Variants in CENPE observed in about 807,000 individuals in gnomAD.
The protein encoded by CENPE is centromere-associated protein E.
A neutral mutation model predicts 336.1 loss-of-function variants in CENPE; 145 were observed. The ratio of observed to expected loss-of-function variants is 0.43; its 90% CI spans 0.38 to 0.50. The LOEUF (loss-of-function observed/expected upper bound fraction) is 0.50, where lower values mean the gene tolerates loss of function less well. Ranked by LOEUF, CENPE falls within the 20% of genes least tolerant of loss-of-function variation. CENPE has a pLI of 0.00. For missense variants in CENPE, 2,719 were observed against 3,023.3 expected (o/e 0.90, Z 2.36); for synonymous variants, 1,013 against 984.8 (o/e 1.03, Z -0.54).
Position 103,175,998 on chromosome 4 carries a change from CACTT to C in CENPE, c.1437_1440del (p.Ser480ArgfsTer2), listed in dbSNP as rs1446950801. 1.2e-6 allele frequency: 2 copies of C among 1,606,730 alleles called. No individual in the cohort carries two copies. Among genetic ancestry groups the C allele is most frequent in the African/African-American group, 1.3e-5 (1 of 74,698 alleles). On this transcript the variant is annotated frameshift_variant, in exon 15 of 49. Coordinates refer to ENST00000265148, the MANE Select transcript of CENPE (RefSeq NM_001813.3). LOFTEE classifies it high-confidence loss of function. ...TTTGTTGCTGGATTCCATTCTATCT[CACTT>C]AATGTATCAAGAGTGTTACTGAAAA...
At chr4:103,116,420 T>C in intron 45 of CENPE, 157 bp downstream of exon 45, 1 of 454,924 alleles carries the variant, frequency 2.2e-6, no homozygotes, top group Non-Finnish European at 3.9e-6. Context: ...ATGAGACCAG[T>C]ATATTTAAAA....
chr4:103,172,629 A>G (rs1156347721), intron 16 of CENPE, among the ~76,000 whole-genome samples: 4 of 151,914 alleles, frequency 2.6e-5, no homozygotes, highest in South Asian at 2.1e-4. Context: ...AAAATAAAAC[A>G]TAATAGGAAA....
rs202048854 is a variant in CENPE, at chr4:103,136,230, G to A, written c.6433C>T (p.Pro2145Ser). ...SMRVKANLSL[P>S]YLQTKHIEKL... is the part of the protein sequence containing the mutation. ...TCAATGTGTTTGGTTTGTAAATAGG[G>A]AAGTGAGAGGTTTGCTTTAACTCTC... Residue 2145 changes from proline to serine, a missense_variant, in exon 40 of 49, where the codon CCC becomes TCC. This residue lies in a region of CENPE where 2,437 missense variants were observed against 2,513.3 expected (regional missense o/e 0.97). Transcript: ENST00000265148. The A allele has an allele frequency of 2.2e-5, 35 of 1,613,766 alleles. No homozygotes were observed. The highest frequency in any genetic ancestry group is 2.8e-5 in the Non-Finnish European group (33 of 1,179,764).
intron 39 of CENPE, among the ~76,000 whole-genome samples, chr4:103,137,198 G>A (rs1024587494): frequency 1.3e-5 from 2 of 148,166 alleles, no homozygotes; most frequent in African/African-American, 2.5e-5. Context: ...TTCTGAGGAA[G>A]GCAGTTTCCT....
intron 16 of CENPE, among the ~76,000 whole-genome samples, chr4:103,170,000 A>G (rs892589632): frequency 6.6e-6 from 1 of 152,252 alleles, no homozygotes; most frequent in East Asian, 1.9e-4. Context: ...GGATGAAGCT[A>G]GAAACCATCA....
At chr4:103,157,212 T>C (rs1432682947) in intron 24 of CENPE, among the ~76,000 whole-genome samples, 1 of 152,010 alleles carries the variant, frequency 6.6e-6, no homozygotes, top group Non-Finnish European at 1.5e-5. Context: ...AGAATTACCA[T>C]ATAACCTAGC....
At chr4:103,137,875 C>G (rs531827446) in intron 39 of CENPE, among the ~76,000 whole-genome samples, 1 of 152,092 alleles carries the variant, frequency 6.6e-6, no homozygotes, top group African/African-American at 2.4e-5. Context: ...GTTTCTCTTG[C>G]GGTAAAAATT....
chr4:103,173,836 A>G (rs74634132), intron 16 of CENPE, among the ~76,000 whole-genome samples: 3,258 of 152,014 alleles, frequency 0.021, 107 homozygotes, highest in African/African-American at 0.073. Flanking sequence ...CCTCATCCCA[A>G]TTAGAATGGC....
intron 11 of CENPE, among the ~76,000 whole-genome samples, chr4:103,182,122 G>A (rs960066779): frequency 1.4e-5 from 2 of 143,244 alleles, no homozygotes; most frequent in African/African-American, 2.6e-5. Context: ...ACATAGTTTC[G>A]CTCTTGTTGC....
Position 103,139,824 on chromosome 4 carries a change from G to T in CENPE, c.6169C>A (p.Gln2057Lys). The T allele has an allele frequency of 6.2e-6, 10 of 1,612,040 alleles. No individual in the cohort carries two copies. Among genetic ancestry groups the T allele is most frequent in the Non-Finnish European group, 8.5e-6 (10 of 1,179,286 alleles). ...ATTTCCCTTAAGGTTGCTATGAATTGGTCCCTTTCCATTTTGAGAGATTCT... is the reference window on the plus strand; with the variant it reads ...ATTTCCCTTAAGGTTGCTATGAATTTGTCCCTTTCCATTTTGAGAGATTCT... ...IKESLKMERD[Q>K]FIATLREMIA... is the part of the protein sequence containing the mutation. Residue 2057 changes from glutamine to lysine, a missense_variant, in exon 38 of 49, where the codon CAA becomes AAA. By Grantham distance (53) the Gln-to-Lys change is moderately conservative. Around this residue, in one of 5 missense-constraint regions of CENPE, gnomAD observed 2,437 missense variants for 2,513.3 expected, o/e 0.97. Transcript: ENST00000265148.
chr4:103,150,546 C>T (rs1246361462), intron 26 of CENPE, among the ~76,000 whole-genome samples: 1 of 151,712 alleles, frequency 6.6e-6, no homozygotes, highest in Non-Finnish European at 1.5e-5. Flanking sequence ...GATCATGCCA[C>T]TGCACTCCAG....
chr4:103,143,111 T>A (rs1752708762), intron 34 of CENPE, 137 bp downstream of exon 34: 3 of 523,374 alleles, frequency 5.7e-6, no homozygotes, highest in Non-Finnish European at 9.9e-6. Flanking sequence ...TATAAAAAGA[T>A]CAATGATAGT....
intron 25 of CENPE, among the ~76,000 whole-genome samples, chr4:103,151,902 G>T (rs1277499074): frequency 6.6e-6 from 1 of 152,166 alleles, no homozygotes; most frequent in Non-Finnish European, 1.5e-5. Flanking sequence ...ACCATTGTTT[G>T]TTTGTGTGCT....
chr4:103,142,740 C>T (rs759725764), intron 34 of CENPE, among the ~76,000 whole-genome samples: 4 of 152,020 alleles, frequency 2.6e-5, no homozygotes, highest in Non-Finnish European at 5.9e-5. Flanking sequence ...CTGGGCCTGG[C>T]GGCTCATGCC....
At chr4:103,117,816 A>G (rs534163135) in intron 44 of CENPE, among the ~76,000 whole-genome samples, 1 of 151,902 alleles carries the variant, frequency 6.6e-6, no homozygotes, top group East Asian at 1.9e-4. Context: ...TTTAGTAAAG[A>G]CAGTGTTTGC....
At chr4:103,129,056 A>C (rs941081198) in intron 42 of CENPE, among the ~76,000 whole-genome samples, 2 of 152,234 alleles carry the variant, frequency 1.3e-5, no homozygotes, top group African/African-American at 4.8e-5. Flanking sequence ...GGACATTAAA[A>C]AATATTAGGA....
chr4:103,124,909 T>C (rs1442525865), intron 42 of CENPE, among the ~76,000 whole-genome samples: 1 of 152,232 alleles, frequency 6.6e-6, no homozygotes, highest in Non-Finnish European at 1.5e-5. Flanking sequence ...CCTACTCTTA[T>C]GTGCTGGAAG....
intron 1 of CENPE, 78 bp downstream of exon 1, chr4:103,198,186 C>T (rs1433454754): frequency 1.0e-5 from 14 of 1,399,892 alleles, no homozygotes; most frequent in East Asian, 2.5e-5. Context: ...CTCCTGGAAA[C>T]ATCGTAGGCC....
chr4:103,113,575 TTTA>T lies in CENPE; in HGVS notation c.7540+877_7540+879del, dbSNP rs1232535011. 3.5e-5 allele frequency among the ~76,000 whole-genome samples: 5 copies of T among 142,576 alleles called. No individual in the cohort carries two copies. The South Asian group carries it at 1.1e-3, about 30-fold the overall frequency. 93.5% of individuals were successfully genotyped at this position (142,576 alleles called of 152,430 possible). ...TATATAATATATAAGTAATATATAT[TTTA>T]TATTACTTATATATTACTCATGTAA... On this transcript the variant is annotated intron_variant, in intron 46 of 48. Transcript: ENST00000265148.
Sources: gnomAD v4.1 joint callset for allele counts (sites outside exome capture counted in the v4.1 genomes callset) on GRCh38, gnomAD v4.1.1 for gene constraint, gnomAD v4.1.1 regional missense constraint, MANE v1.5 for transcripts, NCBI Gene and HGNC (gene_info 2026-07-23, HGNC 2026-07-21) for gene names.